The following PTK7 variants were observed in gnomAD, a reference collection of about 807,000 sequenced individuals.
PTK7 encodes protein tyrosine kinase 7 (inactive).
In PTK7, 39 loss-of-function variants were observed where a neutral mutation model predicts 116.6. The ratio of observed to expected loss-of-function variants is 0.33; its 90% confidence interval spans 0.26 to 0.44. PTK7 has a LOEUF of 0.44. PTK7 is among the 20% of genes least tolerant of loss of function. The pLI is 1.00. For synonymous variants in PTK7, 546 were observed against 563.6 expected (o/e 0.97, Z 0.44); for missense variants, 1,169 against 1,425.6 (o/e 0.82, Z 2.90).
chr6:43,079,825 G>A (rs1766267393), intron 1 of PTK7, among the ~76,000 whole-genome samples: 1 of 151,416 alleles, frequency 6.6e-6, no homozygotes, highest in Admixed American at 6.6e-5. Context: ...TTGGGAGGCA[G>A]AGGGAGGAGG....
At chr6:43,147,610 C>G (rs997924977) in intron 17 of PTK7, among the ~76,000 whole-genome samples, 1 of 152,208 alleles carries the variant, frequency 6.6e-6, no homozygotes, top group Non-Finnish European at 1.5e-5. Flanking sequence ...TCCCAGGTCA[C>G]AGACTCTGGA....
chr6:43,126,170 A>G lies in PTK7; in HGVS notation c.80-2807A>G, dbSNP rs142562231. Among the ~76,000 whole-genome samples, 5 of 152,206 alleles carry G rather than the reference A, an allele frequency of 3.3e-5. No individual in the cohort carries two copies. In the East Asian group the frequency reaches 9.6e-4, roughly 29 times the overall value. On this transcript the variant is annotated intron_variant, in intron 1 of 19. Coordinates refer to ENST00000230419, the MANE Select transcript of PTK7 (RefSeq NM_002821.5). ...CCCTGTCTCCACAAAAAATACAAAA[A>G]TTAGCCAGGTGTGGTGGTGCGTAGC... is the stretch of plus-strand genomic sequence containing the variant.
rs769205401 is a variant in PTK7, at chr6:43,141,742, G to T, written c.1693G>T (p.Ala565Ser). The T allele has an allele frequency of 1.9e-6, 3 of 1,613,982 alleles. No individual in the cohort carries two copies. Among genetic ancestry groups the T allele is most frequent in the East Asian group, 2.2e-5 (1 of 44,870 alleles). The change falls in exon 11 of 20, where the codon GCT becomes TCT. Residue 565 changes from alanine (A) to serine (S), a missense_variant. Around this residue, in one of 3 missense-constraint regions of PTK7, gnomAD observed 678 missense variants for 853.8 expected, o/e 0.79. Coordinates refer to ENST00000230419, the MANE Select transcript of PTK7 (RefSeq NM_002821.5). This position sits in a 1 kb window ranked among gnomAD's most constrained non-coding sequence, Gnocchi z 4.9. ...LHFARVTRDD[A>S]GNYTCIASNG... ...TTTTGCCCGGGTGACTCGAGATGACGCTGGCAACTACACTTGCATTGCCTC... is the reference window on the plus strand; with the variant it reads ...TTTTGCCCGGGTGACTCGAGATGACTCTGGCAACTACACTTGCATTGCCTC...
intron 17 of PTK7, among the ~76,000 whole-genome samples, chr6:43,155,904 C>T (rs1771398248): frequency 6.6e-6 from 1 of 151,842 alleles, no homozygotes; most frequent in South Asian, 2.1e-4. Context: ...TCTTAATAGC[C>T]CCAAACTGGA....
At chr6:43,126,770 T>C (rs1056726901) in intron 1 of PTK7, among the ~76,000 whole-genome samples, 14 of 152,218 alleles carry the variant, frequency 9.2e-5, no homozygotes, top group African/African-American at 3.4e-4. Context: ...GCCCTATTCC[T>C]GTGGATCATT....
At chr6:43,084,100 G>C (rs1173270043) in intron 1 of PTK7, among the ~76,000 whole-genome samples, 1 of 152,004 alleles carries the variant, frequency 6.6e-6, no homozygotes, top group Non-Finnish European at 1.5e-5. Flanking sequence ...AGTTACATAG[G>C]CCAGATTTCA....
At chr6:43,119,987 G>T (rs983831486) in intron 1 of PTK7, among the ~76,000 whole-genome samples, 1 of 152,126 alleles carries the variant, frequency 6.6e-6, no homozygotes, top group Admixed American at 6.6e-5. Flanking sequence ...AATTTCTGGG[G>T]TTTTTAACTT....
At chr6:43,084,080 T>G (rs1225635297) in intron 1 of PTK7, among the ~76,000 whole-genome samples, 2 of 152,192 alleles carry the variant, frequency 1.3e-5, no homozygotes, top group South Asian at 2.1e-4. Flanking sequence ...TGTTTTTGAA[T>G]AGCTGATCCA....
Position 43,143,429 on chromosome 6 carries a change from C to G in PTK7, c.2060C>G (p.Pro687Arg), listed in dbSNP as rs375598506. Residue 687 changes from proline (P) to arginine (R), a missense_variant, in exon 14 of 20, where the codon CCG becomes CGG. Pro to Arg is a moderately radical substitution (Grantham distance 103, BLOSUM62 -2). Coordinates refer to ENST00000230419, the MANE Select transcript of PTK7 (RefSeq NM_002821.5). The surrounding 1 kb of genome is among the most constrained non-coding windows in gnomAD (Gnocchi z 4.2). Reference protein sequence around the residue: ...APLYVVDKPVPEESEGPGSPP... With the variant: ...APLYVVDKPVREESEGPGSPP... Reference sequence around the variant, plus strand: ...GTGTGTCTCTCAGACAAGCCTGTGCCGGAGGAGTCGGAGGGCCCTGGCAGC... The same window carrying G: ...GTGTGTCTCTCAGACAAGCCTGTGCGGGAGGAGTCGGAGGGCCCTGGCAGC... The G allele has an allele frequency of 5.0e-6, 8 of 1,613,848 alleles. No individual in the cohort carries two copies. Among genetic ancestry groups the G allele is most frequent in the Middle Eastern group, 3.3e-4 (2 of 6,062 alleles).
At chr6:43,080,575 G>C (rs1766321352) in intron 1 of PTK7, among the ~76,000 whole-genome samples, 3 of 152,154 alleles carry the variant, frequency 2.0e-5, no homozygotes, top group African/African-American at 7.2e-5. Flanking sequence ...CAGGCCCTGT[G>C]GCCCTGGATG....
chr6:43,129,959 C>T lies in PTK7; in HGVS notation c.470+130C>T, dbSNP rs1561965358. 2 of 970,638 alleles carry T rather than the reference C, an allele frequency of 2.1e-6. No individual in the cohort carries two copies. The highest frequency in any genetic ancestry group is 1.5e-5 in the South Asian group (1 of 64,618). 60.1% of individuals were successfully genotyped at this position (970,638 alleles called of 1,614,324 possible). ...CTCGTTCCACCACCACAGTGCTCTT[C>T]ACCCTGCCCTCCCCCAGATATTGCC... On this transcript the variant is annotated intron_variant, in intron 3 of 19. Transcript: ENST00000230419. This position sits in a 1 kb window ranked among gnomAD's most constrained non-coding sequence, Gnocchi z 4.5.
chr6:43,098,870 G>T lies in PTK7; in HGVS notation c.79+22303G>T, dbSNP rs565432403. Among the ~76,000 whole-genome samples the T allele has an allele frequency of 6.4e-4, 98 of 152,268 alleles. 1 individual carries two copies. The highest frequency in any genetic ancestry group is 2.2e-3 in the African/African-American group (91 of 41,548). On this transcript the variant is annotated intron_variant, in intron 1 of 19. Transcript: ENST00000230419. ...GTGGAATAAGTCTCCAACTGAAATG[G>T]AGTTTAGATTGAATAAGAAAGTTTC... is the stretch of plus-strand genomic sequence containing the variant.
intron 1 of PTK7, among the ~76,000 whole-genome samples, chr6:43,103,646 C>T (rs142000694): frequency 6.6e-6 from 1 of 152,314 alleles, no homozygotes; most frequent in African/African-American, 2.4e-5. Flanking sequence ...TTACATCCCC[C>T]TTTACCTGGA....
rs1246481365 is a variant in PTK7, at chr6:43,139,387, C to G, written c.1499-19C>G. The G allele has an allele frequency of 6.2e-7, 1 of 1,614,184 alleles. No homozygotes were observed. The highest frequency in any genetic ancestry group is 2.2e-5 in the East Asian group (1 of 44,880). On this transcript the variant is annotated intron_variant, in intron 9 of 19. Transcript: ENST00000230419. The surrounding 1 kb of genome is among the most constrained non-coding windows in gnomAD (Gnocchi z 4.6). Reference sequence around the variant, plus strand: ...CGGCCCCAATTCCTCGTCTTTCTACCCACCCTCTGCTGAAACAGAAAAGCT... The same window carrying G: ...CGGCCCCAATTCCTCGTCTTTCTACGCACCCTCTGCTGAAACAGAAAAGCT...
At chr6:43,147,325 G>C (rs1770782774) in intron 17 of PTK7, among the ~76,000 whole-genome samples, 1 of 152,212 alleles carries the variant, frequency 6.6e-6, no homozygotes, top group South Asian at 2.1e-4. Context: ...GTGAAGAAGG[G>C]AAAGCTTGCC....
At position 43,130,543 on chromosome 6, in the gene PTK7, C is replaced by G. The variant is rs760994289; in HGVS notation, c.694C>G (p.Gln232Glu). The change falls in exon 5 of 20, where the codon CAG (glutamine) becomes GAG (glutamate). Residue 232 changes from glutamine (Q) to glutamate (E), a missense_variant. Gln to Glu is a conservative substitution (Grantham distance 29). Transcript: ENST00000230419. Reference sequence around the variant, plus strand: ...CTTTGCCAGGGTGGTGCTGGCACCCCAGGACGTGGTAGTAGCGAGGTATGA... The same window carrying G: ...CTTTGCCAGGGTGGTGCTGGCACCCGAGGACGTGGTAGTAGCGAGGTATGA... ...ESFARVVLAPQDVVVARYEEA... is the reference protein window; with the variant it reads ...ESFARVVLAPEDVVVARYEEA... The G allele has an allele frequency of 6.2e-7, 1 of 1,614,056 alleles. No homozygotes were observed. The highest frequency in any genetic ancestry group is 1.7e-5 in the Admixed American group (1 of 59,994).
rs1369851129 is a variant in PTK7 at position 43,132,999 on chromosome 6, G to A, written c.1228+312G>A. On this transcript the variant is annotated intron_variant, in intron 7 of 19. Transcript: ENST00000230419. ...GCTCCCAATGCACAGAGTGACGATGGTAGCAAATCACCCACCTTACTGGGG... is the reference window on the plus strand; with the variant it reads ...GCTCCCAATGCACAGAGTGACGATGATAGCAAATCACCCACCTTACTGGGG... 1.0e-5 allele frequency: 5 copies of A among 490,982 alleles called. No individual in the cohort carries two copies. In the East Asian group the frequency reaches 1.2e-4, roughly 12 times the overall value. The allele number at this position is 490,982 out of a possible 1,614,324, so 30.4% of individuals were successfully genotyped here. A position where few individuals can be genotyped will look rare whatever the true frequency, so the allele number is the denominator to read the frequency against.
rs757330467 is a variant in PTK7 at position 43,132,544 on chromosome 6, G to A, written c.1085G>A (p.Arg362Gln). 144 of 1,613,328 alleles carry A rather than the reference G, an allele frequency of 8.9e-5. 3 individuals are homozygous for A. In the South Asian group the frequency reaches 1.0e-3, roughly 11 times the overall value. ...GTGTGGTGGGAGCACGCGGGAGTCC[G>A]GCTGCCCACCCATGGCAGGGTCTAC... The part of the protein sequence containing the change: ...PSVWWEHAGV[R>Q]LPTHGRVYQK... Residue 362 changes from arginine to glutamine, a missense_variant, in exon 7 of 20, where the codon CGG becomes CAG. By Grantham distance (43) the Arg-to-Gln change is conservative. This residue lies in a region of PTK7 where 487 missense variants were observed against 549.8 expected (regional missense o/e 0.89). Transcript: ENST00000230419.
At chr6:43,142,518 T>C (rs1770482889) in intron 13 of PTK7, 1 of 746,374 alleles carries the variant, frequency 1.3e-6, no homozygotes, top group African/African-American at 1.7e-5. Context: ...TGTGTGTGTG[T>C]GTTGTGGGGG....
Sources: gnomAD v4.1 joint callset for allele counts (sites outside exome capture counted in the v4.1 genomes callset) on GRCh38, gnomAD v4.1.1 for gene constraint, gnomAD v4.1.1 regional missense constraint, Gnocchi (gnomAD v3.1) non-coding constraint, MANE v1.5 for transcripts, NCBI Gene and HGNC (gene_info 2026-07-23, HGNC 2026-07-21) for gene names.